CD96: variants seen among roughly 807,000 people sequenced by gnomAD.
CD96 encodes the protein CD96 molecule, also known as T-cell surface protein tactile.
In CD96, 70 loss-of-function variants were observed where a neutral mutation model predicts 71.3. The ratio of observed to expected loss-of-function variants is 0.98; its 90% CI spans 0.81 to 1.20. The LOEUF is 1.20. Among genes scored for constraint, CD96 ranks in the 50% most tolerant of loss-of-function variants. The pLI is 0.00. For synonymous variants in CD96, 248 were observed against 233.0 expected, an observed-to-expected ratio of 1.06 and a Z score of -0.59; for missense variants, 742 against 677.5, an observed-to-expected ratio of 1.10 and a Z score of -1.06.
intron 5 of CD96, among the ~76,000 whole-genome samples, chr3:111,597,408 A>AT (rs532268232): frequency 2.0e-5 from 3 of 152,238 alleles, no homozygotes; most frequent in African/African-American, 7.2e-5. Context: ...TACTTCTTTC[A>AT]TTTTTTTATT....
intron 8 of CD96, among the ~76,000 whole-genome samples, chr3:111,621,870 G>A (rs1938534557): frequency 6.6e-6 from 1 of 152,186 alleles, no homozygotes; most frequent in Non-Finnish European, 1.5e-5. Context: ...GACTAGGAAT[G>A]TAGTTCCAAT....
chr3:111,607,034 C>A, intron 8 of CD96: 1 of 552,538 alleles, frequency 1.8e-6, no homozygotes, highest in Non-Finnish European at 3.2e-6. Flanking sequence ...TGACTACAGC[C>A]AATTTCAGAA....
rs1396826047 is a variant in CD96 at position 111,638,178 on chromosome 3, T to A, written c.1477+10T>A. ...CACGTCCATATCACTGGTAAGTCATTTATCCTATTTTGGGGGATTTTATGC... is the reference window on the plus strand; with the variant it reads ...CACGTCCATATCACTGGTAAGTCATATATCCTATTTTGGGGGATTTTATGC... On this transcript the variant is annotated intron_variant, in intron 12 of 13. Coordinates refer to ENST00000352690, the MANE Select transcript of CD96 (RefSeq NM_005816.5). The A allele has an allele frequency of 6.7e-7, 1 of 1,503,652 alleles. No homozygotes were observed. Among genetic ancestry groups the A allele is most frequent in the East Asian group, 2.3e-5 (1 of 44,390 alleles). The allele number at this position is 1,503,652 out of a possible 1,614,324, so 93.1% of individuals were successfully genotyped here.
At position 111,616,751 on chromosome 3, in the gene CD96, G is replaced by A. The variant is rs116066092; in HGVS notation, c.1181-7003G>A. Among the ~76,000 whole-genome samples, 342 of 152,294 alleles carry A rather than the reference G, an allele frequency of 2.2e-3. 1 individual carries two copies. The highest frequency in any genetic ancestry group is 8.0e-3 in the African/African-American group (331 of 41,562). ...TGTGGGGATGCCAGCTGTAGTGAGG[G>A]AGGCCTGGCTGGGACTGTTGAGCCC... On this transcript the variant is annotated intron_variant, in intron 8 of 13. Coordinates refer to ENST00000352690, the MANE Select transcript of CD96 (RefSeq NM_005816.5).
chr3:111,569,516 C>G (rs1935875863), intron 3 of CD96, among the ~76,000 whole-genome samples: 1 of 152,204 alleles, frequency 6.6e-6, no homozygotes, highest in Non-Finnish European at 1.5e-5. Context: ...CAGAAATGTA[C>G]TATACTAAAC....
At chr3:111,621,044 T>C (rs1938497445) in intron 8 of CD96, among the ~76,000 whole-genome samples, 1 of 152,210 alleles carries the variant, frequency 6.6e-6, no homozygotes, top group Non-Finnish European at 1.5e-5. Context: ...CAGAATTAAA[T>C]CACATGTCCT....
rs11326112 is a variant in CD96, at chr3:111,637,795, CTTTTT to C, written c.1388-274_1388-270del. ...TTTGTTGTTTGGAAGTATGGAGCTT[CTTTTT>C]TTTTTTTTTCAACCAATAGGAAATT... On this transcript the variant is annotated intron_variant, in intron 11 of 13. Coordinates refer to ENST00000352690, the MANE Select transcript of CD96 (RefSeq NM_005816.5). Among the ~76,000 whole-genome samples the C allele has an allele frequency of 9.1e-5, 13 of 142,778 alleles. No individual in the cohort carries two copies. In the East Asian group the frequency reaches 2.4e-3, roughly 27 times the overall value. 93.7% of individuals were successfully genotyped at this position (142,778 alleles called of 152,430 possible). A position where few individuals can be genotyped will look rare whatever the true frequency, so the allele number is the denominator to read the frequency against.
At position 111,649,748 on chromosome 3, in the gene CD96, C is replaced by T. The variant is rs753010572; in HGVS notation, c.1652C>T (p.Thr551Ile). 6.2e-7 allele frequency: 1 copy of T among 1,614,084 alleles called. No homozygotes were observed. The highest frequency in any genetic ancestry group is 8.5e-7 in the Non-Finnish European group (1 of 1,179,878). Residue 551 changes from threonine (T) to isoleucine (I), a missense_variant, in exon 14 of 14, where the codon ACT becomes ATT. Coordinates refer to ENST00000352690, the MANE Select transcript of CD96 (RefSeq NM_005816.5). ...CCACCACCACCTCCCATCAAGTACA[C>T]TTGCATTCAAGAGCCCAACGAAAGT... ...FKPPPPPIKY[T>I]CIQEPNESDL...
rs1939421396 is a variant in CD96, at chr3:111,638,082, A to G, written c.1391A>G (p.Asn464Ser). 6.3e-7 allele frequency: 1 copy of G among 1,589,800 alleles called. No individual in the cohort carries two copies. Among genetic ancestry groups the G allele is most frequent in the African/African-American group, 1.3e-5 (1 of 74,326 alleles). Reference sequence around the variant, plus strand: ...GATATCCCCTTTATATCCCTAGACAATGTCTTTACCAGCACAGCCAGAGCA... The same window carrying G: ...GATATCCCCTTTATATCCCTAGACAGTGTCTTTACCAGCACAGCCAGAGCA... ...PSGAGSTLHD[N>S]VFTSTARAFS... The change falls in exon 12 of 14, where the codon AAT becomes AGT. Residue 464 changes from asparagine to serine, a missense_variant. Physicochemically the swap from Asn to Ser is conservative, Grantham distance 46 (BLOSUM62 1). Coordinates refer to ENST00000352690, the MANE Select transcript of CD96 (RefSeq NM_005816.5).
Position 111,566,530 on chromosome 3 carries a change from A to G in CD96, c.419-993A>G, listed in dbSNP as rs145516351. Among the ~76,000 whole-genome samples, 371 of 152,322 alleles carry G rather than the reference A, an allele frequency of 2.4e-3. 6 individuals carry two copies. The highest frequency in any genetic ancestry group is 0.02 in the Admixed American group (309 of 15,302). On this transcript the variant is annotated intron_variant, in intron 2 of 13. Coordinates refer to ENST00000352690, the MANE Select transcript of CD96 (RefSeq NM_005816.5). ...TCATTGGTAAACAGGATTGCAGACT[A>G]TGAGAATACATGCATGTATGCAAAC... is the stretch of plus-strand genomic sequence containing the variant.
intron 13 of CD96, among the ~76,000 whole-genome samples, chr3:111,649,377 A>T (rs1939976431): frequency 6.6e-6 from 1 of 152,206 alleles, no homozygotes; most frequent in Non-Finnish European, 1.5e-5. Context: ...GTTATGATAC[A>T]TTTCCTGCAC....
chr3:111,573,488 G>T (rs1209445489), intron 3 of CD96, among the ~76,000 whole-genome samples: 1 of 152,200 alleles, frequency 6.6e-6, no homozygotes, highest in African/African-American at 2.4e-5. Flanking sequence ...TAATTAAATA[G>T]TTGGCTAGCA....
At chr3:111,593,962 C>G (rs1178702108) in intron 5 of CD96, 1 of 1,614,130 alleles carries the variant, frequency 6.2e-7, no homozygotes, top group Admixed American at 1.7e-5. Context: ...GCCTGCCACA[C>G]AGGCGGCAGG....
At position 111,658,678 on chromosome 3, in the gene CD96, A is replaced by G. The variant is rs933565751; in HGVS notation, c.*53-6849A>G. On this transcript the variant is annotated intron_variant and NMD_transcript_variant, in intron 14 of 14. Coordinates refer to the CD96 transcript ENST00000494798. ...AATATCATCAGTGAGAGAGACAGGG[A>G]TCTTGTGCTCCTCCAAATGTAATAC... is the stretch of plus-strand genomic sequence containing the variant. Among the ~76,000 whole-genome samples, 5 of 152,360 alleles carry G rather than the reference A, an allele frequency of 3.3e-5. No individual in the cohort carries two copies. The South Asian group carries it at 6.2e-4, about 19-fold the overall frequency.
intron 1 of CD96, among the ~76,000 whole-genome samples, chr3:111,542,670 A>G (rs80305430): frequency 0.022 from 3,419 of 152,280 alleles, 141 homozygotes; most frequent in African/African-American, 0.076. Context: ...AAAAATTACA[A>G]AGCCATCAAC....
chr3:111,625,153 T>C lies in CD96; in HGVS notation c.1321+749T>C, dbSNP rs185270789. Among the ~76,000 whole-genome samples the C allele has an allele frequency of 2.7e-3, 413 of 152,334 alleles. 3 individuals carry two copies. Among genetic ancestry groups the C allele is most frequent in the African/African-American group, 9.2e-3 (383 of 41,574 alleles). On this transcript the variant is annotated intron_variant, in intron 10 of 13. Coordinates refer to ENST00000352690, the MANE Select transcript of CD96 (RefSeq NM_005816.5). Reference sequence around the variant, plus strand: ...TTACAGTTAAAACCTTTAAAAATATTTCATATACTCTTGCTCCCTCATTCC... The same window carrying C: ...TTACAGTTAAAACCTTTAAAAATATCTCATATACTCTTGCTCCCTCATTCC...
At chr3:111,610,584 T>C (rs1484426291) in intron 8 of CD96, among the ~76,000 whole-genome samples, 1 of 152,224 alleles carries the variant, frequency 6.6e-6, no homozygotes. Flanking sequence ...GAGAACTTAA[T>C]AACTCATAAC....
At position 111,623,811 on chromosome 3, in the gene CD96, C is replaced by A; in HGVS notation, c.1238C>A (p.Thr413Asn). ...GATGTGAGTGCCTTGAGGCCAAACA[C>A]CACTCCTCAACGTGAGTTCAGCAAA... is the stretch of plus-strand genomic sequence containing the variant. ...LVDVSALRPN[T>N]TPQPSNSSMT... Residue 413 changes from threonine (T) to asparagine (N), a missense_variant, in exon 9 of 14, where the codon ACC becomes AAC. Physicochemically the swap from Thr to Asn is moderately conservative, Grantham distance 65. Transcript: ENST00000352690. 6.2e-7 allele frequency: 1 copy of A among 1,608,230 alleles called. No individual in the cohort carries two copies. Among genetic ancestry groups the A allele is most frequent in the Non-Finnish European group, 8.5e-7 (1 of 1,174,632 alleles).
At chr3:111,581,394 TA>T (rs888071310) in intron 4 of CD96, among the ~76,000 whole-genome samples, 2 of 152,216 alleles carry the variant, frequency 1.3e-5, no homozygotes, top group African/African-American at 4.8e-5. Context: ...TCATATAGAA[TA>T]AGTCTCCCCA....
Sources: allele counts gnomAD v4.1 joint callset (sites outside exome capture counted in the v4.1 genomes callset), GRCh38; gene constraint gnomAD v4.1.1; transcripts MANE v1.5; gene names NCBI Gene and HGNC (gene_info 2026-07-23, HGNC 2026-07-21).